The following ATR variants were observed in gnomAD, a reference collection of about 807,000 sequenced individuals.
ATR encodes the protein serine/threonine-protein kinase ATR.
Under a neutral mutation model 305.3 loss-of-function variants are expected in ATR, and 142 were observed. The observed-to-expected ratio is 0.47, with a 90% CI of 0.41 to 0.53. The LOEUF (loss-of-function observed/expected upper bound fraction) is 0.53. Among genes scored for constraint, ATR ranks in the 20% least tolerant of loss-of-function variants. The pLI is 0.00. For synonymous variants in ATR, 1,050 were observed against 1,068.1 expected (o/e 0.98, Z 0.33); for missense variants, 2,135 against 3,133.1 (o/e 0.68, Z 7.60).
chr3:142,520,921 A>G (rs1304606195), intron 23 of ATR, among the ~76,000 whole-genome samples: 1 of 152,180 alleles, frequency 6.6e-6, no homozygotes. Context: ...ACAGCTAGAG[A>G]GGAGAAGTCA....
chr3:142,550,354 A>C, intron 13 of ATR, 52 bp from the exon 14 acceptor site: 1 of 1,572,706 alleles, frequency 6.4e-7, no homozygotes, highest in Non-Finnish European at 8.7e-7. Context: ...AGAAATTTTA[A>C]CTAATACTTT....
intron 15 of ATR, 41 bp from the exon 16 acceptor site, chr3:142,547,951 C>T (rs767545344): frequency 2.6e-6 from 4 of 1,553,402 alleles, no homozygotes; most frequent in Non-Finnish European, 3.5e-6. Context: ...TTTCTTCATA[C>T]TAATATCCTG....
intron 35 of ATR, among the ~76,000 whole-genome samples, chr3:142,491,435 C>G (rs533209817): frequency 1.3e-5 from 2 of 152,280 alleles, no homozygotes; most frequent in African/African-American, 4.8e-5. Flanking sequence ...TCTTCCCTAA[C>G]CCTGGCTTTA....
rs190938773 is a variant in ATR at position 142,487,540 on chromosome 3, A to C, written c.6079-2258T>G. Among the ~76,000 whole-genome samples the C allele has an allele frequency of 7.2e-5, 11 of 152,356 alleles. No homozygotes were observed. In the East Asian group the frequency reaches 2.1e-3, roughly 29 times the overall value. Reference sequence around the variant, plus strand: ...AATTTGGTTTACTATATAGTATTCCATTATAAGAATATGCTACAACATATT... The same window carrying C: ...AATTTGGTTTACTATATAGTATTCCCTTATAAGAATATGCTACAACATATT... On this transcript the variant is annotated intron_variant, in intron 35 of 46. Coordinates refer to ENST00000350721, the MANE Select transcript of ATR (RefSeq NM_001184.4).
At chr3:142,535,999 A>T (rs2033844303) in intron 20 of ATR, 109 bp downstream of exon 20, 3 of 787,560 alleles carry the variant, frequency 3.8e-6, no homozygotes. Context: ...TCAGAATAGG[A>T]CTATATTATC....
intron 21 of ATR, among the ~76,000 whole-genome samples, chr3:142,529,637 T>C (rs947986758): frequency 1.3e-5 from 2 of 152,174 alleles, no homozygotes; most frequent in Non-Finnish European, 2.9e-5. Flanking sequence ...ATTACTTCAA[T>C]TCTTGTAGGT....
chr3:142,554,412 G>C (rs979177753), intron 10 of ATR, among the ~76,000 whole-genome samples: 19 of 152,074 alleles, frequency 1.2e-4, no homozygotes, highest in Middle Eastern at 3.2e-3. Flanking sequence ...ATTTTTTGTA[G>C]AGATGGGGCT....
chr3:142,514,215 GT>G (rs2032743361), intron 25 of ATR, among the ~76,000 whole-genome samples: 1 of 151,986 alleles, frequency 6.6e-6, no homozygotes, highest in Admixed American at 6.5e-5. Flanking sequence ...GGAGGTTGCA[GT>G]GAGCCGAGAC....
intron 1 of ATR, among the ~76,000 whole-genome samples, chr3:142,577,390 A>G (rs2035474266): frequency 6.6e-6 from 1 of 152,258 alleles, no homozygotes; most frequent in Non-Finnish European, 1.5e-5. Flanking sequence ...ATGAGCCTGA[A>G]AGATGAAATT....
Position 142,457,662 on chromosome 3 carries a change from G to A in ATR, c.7597C>T (p.Arg2533Ter), listed in dbSNP as rs1196005889. ...MGPMGTEGLF[R>*]RACEVTMRLM... ...CTCATTGTAACTTCACATGCTCTTC[G>A]AAAAAGACCCTCTGTTCCCATAGGA... The change falls in exon 45 of 47, where the codon CGA (arginine) becomes TGA (stop). Residue 2533 changes from arginine to a stop codon, truncating the protein, a stop_gained. Transcript: ENST00000350721. LOFTEE classifies it high-confidence loss of function. 4 of 1,613,828 alleles carry A rather than the reference G, an allele frequency of 2.5e-6. No homozygotes were observed. The highest frequency in any genetic ancestry group is 1.7e-5 in the Admixed American group (1 of 59,956).
In ATR at chr3:142,449,447, A is replaced by C. The variant is rs2070729089; in HGVS notation, c.7917T>G (p.Gly2639=). ...DENLLCQMYL[G]WTPYM ...TTTCATTTCACATATATGGAGTCCAACCAAGATACATCTGGCATAGTAAGT... is the reference window on the plus strand; with the variant it reads ...TTTCATTTCACATATATGGAGTCCACCCAAGATACATCTGGCATAGTAAGT... The change falls in exon 47 of 47, where the codon GGT becomes GGG. Residue 2639 remains glycine (G), a synonymous_variant. Transcript: ENST00000350721. 1 of 1,610,492 alleles carries C rather than the reference A, an allele frequency of 6.2e-7. No homozygotes were observed. Among genetic ancestry groups the C allele is most frequent in the Admixed American group, 1.7e-5 (1 of 59,994 alleles).
chr3:142,474,831 C>T (rs2108288671), intron 36 of ATR, among the ~76,000 whole-genome samples: 1 of 152,140 alleles, frequency 6.6e-6, no homozygotes, highest in African/African-American at 2.4e-5. Context: ...AACTTTTCAC[C>T]ACTGAGTATG....
At chr3:142,474,703 T>A (rs4582075) in intron 36 of ATR, among the ~76,000 whole-genome samples, 51,968 of 152,018 alleles carry the variant, frequency 0.34, 9,411 homozygotes, top group Middle Eastern at 0.44. Flanking sequence ...CTTTTCCAAT[T>A]TGGATGCCTT....
chr3:142,522,603 T>C, intron 23 of ATR, 125 bp downstream of exon 23: 1 of 849,992 alleles, frequency 1.2e-6, no homozygotes, highest in Non-Finnish European at 1.9e-6. Context: ...ATGTTTATCA[T>C]GAACTTGTAT....
At chr3:142,556,707 A>C in intron 8 of ATR, 132 bp from the exon 9 acceptor site, 3 of 834,130 alleles carry the variant, frequency 3.6e-6, no homozygotes, top group Non-Finnish European at 5.4e-6. Context: ...CACTTAAAAT[A>C]CATTTAATAC....
rs372271245 is a variant in ATR, at chr3:142,553,399, C to T, written c.2634-1G>A. 2.0e-5 allele frequency: 32 copies of T among 1,612,468 alleles called. No individual in the cohort carries two copies. The highest frequency in any genetic ancestry group is 2.5e-5 in the Non-Finnish European group (30 of 1,179,218). Reference sequence around the variant, plus strand: ...TGGTACCAAATCTCCTTTTGCGGCCCTAAAATTAAAAACAACATACATATG... The same window carrying T: ...TGGTACCAAATCTCCTTTTGCGGCCTTAAAATTAAAAACAACATACATATG... On this transcript the variant is annotated splice_acceptor_variant, in intron 12 of 46. Transcript: ENST00000350721. LOFTEE classifies it high-confidence loss of function.
intron 13 of ATR, among the ~76,000 whole-genome samples, chr3:142,551,384 C>A (rs1298057465): frequency 6.6e-6 from 1 of 152,128 alleles, no homozygotes. Context: ...TATGATCACA[C>A]CATTCCATGT....
At chr3:142,513,143 G>C (rs914854587) in intron 26 of ATR, among the ~76,000 whole-genome samples, 2 of 152,086 alleles carry the variant, frequency 1.3e-5, no homozygotes, top group African/African-American at 4.8e-5. Context: ...ATAAGTTCAT[G>C]ACATTAGATG....
intron 46 of ATR, chr3:142,451,840 T>C: frequency 7.7e-7 from 1 of 1,307,070 alleles, no homozygotes; most frequent in South Asian, 1.3e-5. Context: ...TAGAGCTCTT[T>C]CAGCTGTTTA....
Sources: gnomAD v4.1 joint callset for allele counts (sites outside exome capture counted in the v4.1 genomes callset) on GRCh38, gnomAD v4.1.1 for gene constraint, MANE v1.5 for transcripts, NCBI Gene and HGNC (gene_info 2026-07-23, HGNC 2026-07-21) for gene names.